The following AK8 variants were observed in gnomAD, a reference collection of about 807,000 sequenced individuals.
AK8 encodes adenylate kinase 8.
A neutral mutation model predicts 54.6 loss-of-function variants in AK8; 44 were observed. The observed-to-expected ratio is 0.81, with a 90% CI of 0.63 to 1.04. The LOEUF is 1.04. Among genes scored for constraint, AK8 ranks in the 50% least tolerant of loss-of-function variants. AK8 has a pLI of 0.00. For missense variants in AK8, 555 were observed against 613.6 expected (o/e 0.90, Z 1.01); for synonymous variants, 239 against 245.6 (o/e 0.97, Z 0.25).
chr9:132,785,166 G>A (rs1007856552), intron 11 of AK8, among the ~76,000 whole-genome samples: 4 of 149,926 alleles, frequency 2.7e-5, no homozygotes, highest in African/African-American at 4.9e-5. Flanking sequence ...ATGCAGTGGC[G>A]TGCTCTCGGC....
In AK8 at chr9:132,859,997, C is replaced by T. The variant is rs181935879; in HGVS notation, c.333+3668G>A. 9.9e-5 allele frequency among the ~76,000 whole-genome samples: 15 copies of T among 152,180 alleles called. 1 individual carries two copies. The highest frequency in any genetic ancestry group is 8.5e-4 in the Admixed American group (13 of 15,282). ...ACTGGGGCCATTTTGACATTCATTT[C>T]GATGGCTCTGACCATGTCCTTGGGT... On this transcript the variant is annotated intron_variant, in intron 4 of 12. Transcript: ENST00000298545.
rs1414052767 is a variant in AK8 at position 132,875,193 on chromosome 9, G to A, written c.91C>T (p.Leu31=). 1 of 1,614,010 alleles carries A rather than the reference G, an allele frequency of 6.2e-7. No individual in the cohort carries two copies. The highest frequency in any genetic ancestry group is 1.3e-5 in the African/African-American group (1 of 74,920). Residue 31 remains leucine, a synonymous_variant, in exon 2 of 13, where the codon CTG becomes TTG. Transcript: ENST00000298545. ...GGCTGGTGGATCAGGAGTTGCTCCA[G>A]CATGTTCTGTGGGTGCAGGGCAGAC... is the stretch of plus-strand genomic sequence containing the variant. The part of the protein sequence containing the change: ...NHIFELMQNM[L]EQLLIHQPED...
At chr9:132,828,151 A>G (rs1443227159) in intron 6 of AK8, 67 bp from the exon 7 acceptor site, 1 of 1,355,368 alleles carries the variant, frequency 7.4e-7, no homozygotes, top group African/African-American at 1.5e-5. Flanking sequence ...TTTGAATATC[A>G]CAGACCAATA....
chr9:132,872,957 G>A (rs904260296), intron 2 of AK8, among the ~76,000 whole-genome samples: 16 of 152,202 alleles, frequency 1.1e-4, no homozygotes, highest in African/African-American at 3.4e-4. Context: ...GACTACAGGC[G>A]CCCGCCACCA....
chr9:132,801,138 C>T (rs215181), intron 10 of AK8, among the ~76,000 whole-genome samples: 47,246 of 151,870 alleles, frequency 0.31, 7,602 homozygotes, highest in East Asian at 0.49. Flanking sequence ...ATGTTGGCTA[C>T]GCTGGTCTTG....
rs1839953684 is a variant in AK8 at position 132,791,692 on chromosome 9, A to AC, written c.1121+941_1121+942insG. Among the ~76,000 whole-genome samples the AC allele has an allele frequency of 6.6e-6, 1 of 152,212 alleles. No homozygotes were observed. Among genetic ancestry groups the AC allele is most frequent in the Non-Finnish European group, 1.5e-5 (1 of 68,034 alleles). ...AACAGGCCCAGTATATTGAGAGACT[A>AC]AACACACAGTTTGATGATGGTCAGA... On this transcript the variant is annotated intron_variant, in intron 11 of 12. Transcript: ENST00000298545. This position sits in a 1 kb window ranked among gnomAD's most constrained non-coding sequence, Gnocchi z 4.0.
intron 5 of AK8, among the ~76,000 whole-genome samples, chr9:132,852,526 C>T (rs1210921371): frequency 6.6e-6 from 1 of 151,498 alleles, no homozygotes; most frequent in Non-Finnish European, 1.5e-5. Context: ...AGGAGAATAG[C>T]TTGAACCTGG....
At chr9:132,796,770 T>TACACACACACACACACAC (rs10590924) in intron 10 of AK8, among the ~76,000 whole-genome samples, 1 of 142,308 alleles carries the variant, frequency 7.0e-6, no homozygotes, top group Non-Finnish European at 1.5e-5. Context: ...ACATACATGC[T>TACACACACACACACACAC]ACACACACAC....
At chr9:132,789,252 G>A (rs976162136) in intron 11 of AK8, among the ~76,000 whole-genome samples, 8 of 151,758 alleles carry the variant, frequency 5.3e-5, no homozygotes, top group South Asian at 2.1e-4. Flanking sequence ...CCAAGATCGC[G>A]CCATGCACTC....
intron 10 of AK8, among the ~76,000 whole-genome samples, chr9:132,812,397 A>ATTTTT (rs528321058): frequency 6.9e-6 from 1 of 144,112 alleles, no homozygotes; most frequent in Non-Finnish European, 1.5e-5. Context: ...CACGTGGCTA[A>ATTTTT]TTTTTTTTTT....
At chr9:132,848,285 T>C (rs557643430) in intron 5 of AK8, among the ~76,000 whole-genome samples, 3 of 152,270 alleles carry the variant, frequency 2.0e-5, no homozygotes, top group South Asian at 2.1e-4. Context: ...GGGAAAATGC[T>C]GGCCCATTTC....
Position 132,814,720 on chromosome 9 carries a change from A to G in AK8, c.897T>C (p.Cys299=), listed in dbSNP as rs1841239423. ...CCACAGCCTCTTTCAGCAGTTGCCC[A>G]CAGCAGACTGAAGGAGAGGGGAACA... is the stretch of plus-strand genomic sequence containing the variant. ...AQKYRLVNVC[C]GQLLKEAVAD... The change falls in exon 10 of 13, where the codon TGT becomes TGC. Residue 299 remains cysteine (C), a synonymous_variant. Coordinates refer to ENST00000298545, the MANE Select transcript of AK8 (RefSeq NM_152572.3). 6.2e-7 allele frequency: 1 copy of G among 1,613,982 alleles called. No homozygotes were observed. The highest frequency in any genetic ancestry group is 1.3e-5 in the African/African-American group (1 of 75,024).
At chr9:132,831,104 C>A (rs1481216380) in intron 5 of AK8, among the ~76,000 whole-genome samples, 8 of 152,218 alleles carry the variant, frequency 5.3e-5, no homozygotes, top group Admixed American at 4.6e-4. Context: ...CCTCTTTCTG[C>A]CTGTAGATTG....
intron 2 of AK8, among the ~76,000 whole-genome samples, chr9:132,869,996 T>C (rs73550645): frequency 0.02 from 2,995 of 151,978 alleles, 103 homozygotes; most frequent in African/African-American, 0.068. Flanking sequence ...CTGAAGCTCC[T>C]CCAAACACAG....
rs931663137 is a variant in AK8, at chr9:132,770,908, T to G, written c.1121+21726A>C. Among the ~76,000 whole-genome samples the G allele has an allele frequency of 2.0e-5, 3 of 152,118 alleles. No homozygotes were observed. Among genetic ancestry groups the G allele is most frequent in the African/African-American group, 4.8e-5 (2 of 41,432 alleles). ...CAGTCAGGGAGATGCTTCCCCCATC[T>G]CATCTCAGTGGGGAGGGAGCAGCTG... is the stretch of plus-strand genomic sequence containing the variant. On this transcript the variant is annotated intron_variant, in intron 11 of 12. Transcript: ENST00000298545. The surrounding 1 kb of genome is among the most constrained non-coding windows in gnomAD (Gnocchi z 4.3).
chr9:132,755,634 T>C (rs958502731), intron 11 of AK8, among the ~76,000 whole-genome samples: 1 of 152,172 alleles, frequency 6.6e-6, no homozygotes, highest in Admixed American at 6.5e-5. Context: ...CTGAGAGCCA[T>C]AAATCACCAG....
chr9:132,812,564 G>T (rs1167111380), intron 10 of AK8, among the ~76,000 whole-genome samples: 1 of 10,774 alleles, frequency 9.3e-5, no homozygotes, highest in Non-Finnish European at 1.7e-4. Context: ...CGCCGCGCCC[G>T]GCCGCTAGGT....
chr9:132,748,243 C>T (rs1489095152), intron 11 of AK8, among the ~76,000 whole-genome samples: 2 of 150,778 alleles, frequency 1.3e-5, no homozygotes, highest in Non-Finnish European at 2.9e-5. Context: ...AGTTCTTATG[C>T]GCAGATCATA....
chr9:132,869,451 G>C (rs564716180), intron 2 of AK8, among the ~76,000 whole-genome samples: 4 of 152,168 alleles, frequency 2.6e-5, no homozygotes, highest in African/African-American at 9.7e-5. Context: ...CAGGCCCTGC[G>C]GAGCTGCCAG....
Sources: gnomAD v4.1 joint callset for allele counts (sites outside exome capture counted in the v4.1 genomes callset) on GRCh38, gnomAD v4.1.1 for gene constraint, Gnocchi (gnomAD v3.1) non-coding constraint, MANE v1.5 for transcripts, NCBI Gene and HGNC (gene_info 2026-07-23, HGNC 2026-07-21) for gene names.